OPCML: variants seen among roughly 807,000 people sequenced by gnomAD.
OPCML encodes the protein opioid binding protein/cell adhesion molecule like.
In OPCML, 13 loss-of-function variants were observed where a neutral mutation model predicts 37.8. The ratio of observed to expected loss-of-function variants is 0.34; its 90% confidence interval spans 0.22 to 0.55. The LOEUF is 0.55. Ranked by LOEUF, OPCML falls within the 20% of genes least tolerant of loss-of-function variation. OPCML has a pLI of 0.91. For synonymous variants in OPCML, 176 were observed against 168.8 expected (o/e 1.04, Z -0.33); for missense variants, 341 against 435.6 (o/e 0.78, Z 1.93).
At chr11:133,113,141 G>C (rs546521389) in intron 1 of OPCML, among the ~76,000 whole-genome samples, 1 of 152,110 alleles carries the variant, frequency 6.6e-6, no homozygotes, top group Non-Finnish European at 1.5e-5. Flanking sequence ...ATGCAAAAAA[G>C]CCATCCTTTA....
chr11:132,435,241 G>T (rs1389120546), intron 7 of OPCML: 1 of 1,289,650 alleles, frequency 7.8e-7, no homozygotes, highest in Middle Eastern at 2.1e-4. Context: ...AAAAGACATA[G>T]ATCACACATT....
At chr11:133,340,604 CTCTCTGTGTGTG>C (rs1462822362) in intron 1 of OPCML, among the ~76,000 whole-genome samples, 59 of 106,082 alleles carry the variant, frequency 5.6e-4, no homozygotes, top group African/African-American at 2.5e-3. Context: ...AATTAAGACT[CTCTCTGTGTGTG>C]TGTGTGTGTG....
chr11:133,059,768 G>A (rs981578381), intron 1 of OPCML, among the ~76,000 whole-genome samples: 4 of 152,218 alleles, frequency 2.6e-5, no homozygotes, highest in African/African-American at 9.6e-5. Context: ...AGCACAATAT[G>A]TGCTTGAAAG....
intron 7 of OPCML, among the ~76,000 whole-genome samples, chr11:132,432,364 C>T (rs1040104381): frequency 6.6e-5 from 10 of 152,178 alleles, no homozygotes; most frequent in African/African-American, 2.4e-4. Context: ...GTCAACCAGA[C>T]ACTATCTGTC....
intron 2 of OPCML, among the ~76,000 whole-genome samples, chr11:132,928,855 T>C (rs2659616): frequency 0.55 from 83,480 of 151,730 alleles, 24,776 homozygotes; most frequent in African/African-American, 0.77. Flanking sequence ...AATTAACACA[T>C]TCTCAAACAA....
intron 1 of OPCML, chr11:133,005,822 G>A: frequency 1.0e-6 from 1 of 985,318 alleles, no homozygotes; most frequent in Non-Finnish European, 1.2e-6. Context: ...GGCCCTGGGG[G>A]AAAGAGGCTG....
At chr11:133,159,474 A>G (rs1394797395) in intron 1 of OPCML, among the ~76,000 whole-genome samples, 2 of 152,210 alleles carry the variant, frequency 1.3e-5, no homozygotes, top group Non-Finnish European at 2.9e-5. Context: ...GGGGCCACTA[A>G]ATGGCAGATT....
intron 3 of OPCML, among the ~76,000 whole-genome samples, chr11:132,598,212 T>C: frequency 6.6e-6 from 1 of 152,192 alleles, no homozygotes; most frequent in Non-Finnish European, 1.5e-5. Flanking sequence ...ATCCCCGTAT[T>C]AGCAATTGCC....
chr11:133,503,124 C>T (rs374607335), intron 1 of OPCML, among the ~76,000 whole-genome samples: 22 of 152,176 alleles, frequency 1.4e-4, no homozygotes, highest in African/African-American at 5.3e-4. Flanking sequence ...ATGGTTTTCT[C>T]ACGTCCTTTT....
intron 1 of OPCML, among the ~76,000 whole-genome samples, chr11:133,015,844 A>G (rs1261106187): frequency 6.6e-6 from 1 of 152,012 alleles, no homozygotes. Context: ...GTTTCCTCCT[A>G]CAATATCCTC....
intron 3 of OPCML, among the ~76,000 whole-genome samples, chr11:132,651,329 T>G (rs2135751375): frequency 6.6e-6 from 1 of 152,336 alleles, no homozygotes; most frequent in South Asian, 2.1e-4. Context: ...TTTCTGGTCT[T>G]GGAAAGGTGT....
intron 2 of OPCML, chr11:132,810,883 T>TTAA (rs1939302008): frequency 6.6e-6 from 1 of 152,196 alleles, no homozygotes; most frequent in Non-Finnish European, 1.5e-5. Context: ...TCAGGCCAGC[T>TTAA]CCTTGACCTC....
At chr11:133,067,729 T>G (rs1948461959) in intron 1 of OPCML, 1 of 152,222 alleles carries the variant, frequency 6.6e-6, no homozygotes, top group East Asian at 1.9e-4. Context: ...CCTCTTTCAC[T>G]GGCCCTTCCT....
intron 1 of OPCML, among the ~76,000 whole-genome samples, chr11:132,967,104 G>A (rs1946233377): frequency 6.6e-6 from 1 of 151,778 alleles, no homozygotes; most frequent in East Asian, 1.9e-4. Flanking sequence ...TTTGTCGTTT[G>A]CTGCTTTCTT....
chr11:133,074,278 T>A (rs1044869126), intron 1 of OPCML, among the ~76,000 whole-genome samples: 1 of 152,216 alleles, frequency 6.6e-6, no homozygotes, highest in Non-Finnish European at 1.5e-5. Context: ...AGATATTATA[T>A]CTGAGGTTTG....
rs185513566 is a variant in OPCML, at chr11:133,171,169, C to G, written c.62-228159G>C. Among the ~76,000 whole-genome samples the G allele has an allele frequency of 1.4e-3, 220 of 152,288 alleles. 1 individual carries two copies. Among genetic ancestry groups the G allele is most frequent in the African/African-American group, 5.0e-3 (208 of 41,560 alleles). ...ACTTGAGAATTGGCCATCCAAACTC[C>G]CATTTTCTTCCTGTCTGCAGTTACC... On this transcript the variant is annotated intron_variant, in intron 1 of 7. Transcript: ENST00000524381.
intron 1 of OPCML, among the ~76,000 whole-genome samples, chr11:133,378,604 A>G (rs1401886294): frequency 1.3e-5 from 2 of 152,132 alleles, no homozygotes; most frequent in African/African-American, 4.8e-5. Context: ...TAAGCAGCTG[A>G]CGTATTTTTA....
intron 4 of OPCML, among the ~76,000 whole-genome samples, chr11:132,489,881 C>T (rs973540589): frequency 1.3e-5 from 2 of 152,112 alleles, no homozygotes; most frequent in Non-Finnish European, 2.9e-5. Context: ...TGATGTTCCC[C>T]TCCCAGTGTC....
intron 1 of OPCML, among the ~76,000 whole-genome samples, chr11:133,382,309 G>T (rs1449389181): frequency 6.6e-6 from 1 of 152,196 alleles, no homozygotes; most frequent in African/African-American, 2.4e-5. Flanking sequence ...AAATGATTTT[G>T]GCAGGAGGGG....
Sources: allele counts gnomAD v4.1 joint callset (sites outside exome capture counted in the v4.1 genomes callset), GRCh38; gene constraint gnomAD v4.1.1; transcripts MANE v1.5; gene names NCBI Gene and HGNC (gene_info 2026-07-23, HGNC 2026-07-21).